The following SLC35F3 variants were observed in gnomAD, a reference collection of about 807,000 sequenced individuals.
The protein encoded by SLC35F3 is putative thiamine transporter SLC35F3.
A neutral mutation model predicts 49.9 loss-of-function variants in SLC35F3; 25 were observed. The observed-to-expected ratio is 0.50, with a 90% CI of 0.37 to 0.70. SLC35F3 has a LOEUF of 0.70. SLC35F3 is among the 30% of genes least tolerant of loss of function. SLC35F3 has a pLI of 0.00. For missense variants in SLC35F3, 525 were observed against 639.8 expected, an observed-to-expected ratio of 0.82 and a Z score of 1.94; for synonymous variants, 275 against 265.4, an observed-to-expected ratio of 1.04 and a Z score of -0.35.
intron 3 of SLC35F3, among the ~76,000 whole-genome samples, chr1:234,284,376 C>A (rs1435763770): frequency 1.3e-5 from 2 of 152,182 alleles, no homozygotes; most frequent in Admixed American, 1.3e-4. Flanking sequence ...CAACTGTTTG[C>A]CACATAGCAC....
At chr1:233,962,363 A>C (rs192344728) in intron 2 of SLC35F3, among the ~76,000 whole-genome samples, 2 of 152,232 alleles carry the variant, frequency 1.3e-5, no homozygotes, top group Non-Finnish European at 2.9e-5. Context: ...CTGGAAATTT[A>C]GTGTGTTTTA....
At chr1:233,966,883 C>A (rs1262131457) in intron 2 of SLC35F3, among the ~76,000 whole-genome samples, 1 of 152,092 alleles carries the variant, frequency 6.6e-6, no homozygotes, top group Non-Finnish European at 1.5e-5. Flanking sequence ...CAGTGCTGGC[C>A]CTGAACGAAC....
chr1:234,150,728 C>G (rs1037050127), intron 2 of SLC35F3, among the ~76,000 whole-genome samples: 1 of 152,078 alleles, frequency 6.6e-6, no homozygotes, highest in Non-Finnish European at 1.5e-5. Flanking sequence ...AATAAAGCAA[C>G]TAAATAGCAA....
At chr1:233,947,933 A>G (rs892005386) in intron 2 of SLC35F3, among the ~76,000 whole-genome samples, 2 of 149,056 alleles carry the variant, frequency 1.3e-5, no homozygotes, top group South Asian at 2.1e-4. Context: ...TTCCATGTCA[A>G]TCTCAGTGGT....
At chr1:234,300,125 A>G (rs1448335393) in intron 3 of SLC35F3, among the ~76,000 whole-genome samples, 2 of 152,228 alleles carry the variant, frequency 1.3e-5, no homozygotes, top group South Asian at 2.1e-4. Flanking sequence ...AGGAATCACA[A>G]TACCAATTCT....
rs577594139 is a variant in SLC35F3, at chr1:234,039,891, T to C, written c.283+134133T>C. Among the ~76,000 whole-genome samples, 88 of 152,280 alleles carry C rather than the reference T, an allele frequency of 5.8e-4. 1 individual carries two copies. In the South Asian group the frequency reaches 0.015, roughly 25 times the overall value. On this transcript the variant is annotated intron_variant, in intron 2 of 7. Coordinates refer to ENST00000366618, the MANE Select transcript of SLC35F3 (RefSeq NM_173508.4). ...TTACAATGCTCTCTTAGTTCCGCCA[T>C]CCACAGACAGCAATGTGTTATCAGC...
intron 2 of SLC35F3, among the ~76,000 whole-genome samples, chr1:233,931,946 T>G (rs1459529222): frequency 6.6e-6 from 1 of 152,156 alleles, no homozygotes; most frequent in Admixed American, 6.5e-5. Context: ...ATATACACCA[T>G]GGAATACTAT....
intron 2 of SLC35F3, among the ~76,000 whole-genome samples, chr1:234,054,407 A>C (rs1030511505): frequency 2.0e-5 from 3 of 151,604 alleles, no homozygotes; most frequent in Non-Finnish European, 4.4e-5. Flanking sequence ...TCAATCACTG[A>C]CTCTTTCTTC....
intron 2 of SLC35F3, among the ~76,000 whole-genome samples, chr1:234,080,288 A>G (rs954379704): frequency 1.3e-5 from 2 of 152,210 alleles, no homozygotes; most frequent in African/African-American, 4.8e-5. Context: ...TGGAAGCTCC[A>G]TGCCCTTTTA....
At chr1:234,017,600 G>A (rs1046077842) in intron 2 of SLC35F3, among the ~76,000 whole-genome samples, 3 of 150,852 alleles carry the variant, frequency 2.0e-5, no homozygotes, top group Non-Finnish European at 3.0e-5. Context: ...TGTAGTCCCA[G>A]CTACTCGGGA....
chr1:234,285,924 TATCTC>T (rs1477195875), intron 3 of SLC35F3, among the ~76,000 whole-genome samples: 3 of 152,194 alleles, frequency 2.0e-5, no homozygotes, highest in African/African-American at 4.8e-5. Context: ...GTGTGTCCCT[TATCTC>T]AGTCAACCCA....
intron 2 of SLC35F3, among the ~76,000 whole-genome samples, chr1:234,220,042 C>T (rs1487109705): frequency 6.6e-6 from 1 of 152,150 alleles, no homozygotes; most frequent in Non-Finnish European, 1.5e-5. Context: ...TGGGCAGATG[C>T]TGAGGCATCC....
At chr1:234,239,565 G>A (rs1667522486) in intron 3 of SLC35F3, among the ~76,000 whole-genome samples, 1 of 152,216 alleles carries the variant, frequency 6.6e-6, no homozygotes, top group Admixed American at 6.5e-5. Flanking sequence ...TTATCAATGA[G>A]TCCAGAGATG....
chr1:234,220,448 G>T (rs1054568929), intron 2 of SLC35F3, among the ~76,000 whole-genome samples: 8 of 152,210 alleles, frequency 5.3e-5, no homozygotes, highest in African/African-American at 1.9e-4. Flanking sequence ...TGAGCTCATG[G>T]TAATAACTGC....
intron 2 of SLC35F3, among the ~76,000 whole-genome samples, chr1:234,098,695 TTGG>T (rs1558228928): frequency 1.4e-5 from 2 of 145,892 alleles, no homozygotes; most frequent in African/African-American, 5.1e-5. Context: ...GGTGACTGTA[TTGG>T]TGGTGGTAGT....
At chr1:234,022,464 C>T (rs1663910960) in intron 2 of SLC35F3, among the ~76,000 whole-genome samples, 1 of 63,706 alleles carries the variant, frequency 1.6e-5, no homozygotes, top group South Asian at 4.2e-4. Context: ...TTGGGGACCT[C>T]ACAGGTTTTT....
At chr1:234,177,534 C>T (rs368381040) in intron 2 of SLC35F3, among the ~76,000 whole-genome samples, 13 of 152,148 alleles carry the variant, frequency 8.5e-5, no homozygotes, top group African/African-American at 3.1e-4. Flanking sequence ...TGCCCAGTGT[C>T]GAAGCCCCCA....
At chr1:234,088,452 C>T (rs1412038106) in intron 2 of SLC35F3, among the ~76,000 whole-genome samples, 1 of 152,214 alleles carries the variant, frequency 6.6e-6, no homozygotes, top group Non-Finnish European at 1.5e-5. Flanking sequence ...AGGTGATCCA[C>T]CCACCTCGGC....
At chr1:234,136,724 A>G (rs1665817916) in intron 2 of SLC35F3, among the ~76,000 whole-genome samples, 1 of 152,242 alleles carries the variant, frequency 6.6e-6, no homozygotes, top group Non-Finnish European at 1.5e-5. Context: ...GCTTGAGGCA[A>G]GAACCCGATT....
Sources: gnomAD v4.1 joint callset for allele counts (sites outside exome capture counted in the v4.1 genomes callset) on GRCh38, gnomAD v4.1.1 for gene constraint, MANE v1.5 for transcripts, NCBI Gene and HGNC (gene_info 2026-07-23, HGNC 2026-07-21) for gene names.